CCDC146: variants seen among roughly 807,000 people sequenced by gnomAD.
The protein encoded by CCDC146 is coiled-coil domain-containing protein 146.
CCDC146 carries 92 observed loss-of-function variants against 119.3 expected under a neutral mutation model. That is an observed-to-expected ratio of 0.77 (90% confidence interval 0.65 to 0.92). The LOEUF (loss-of-function observed/expected upper bound fraction) is 0.92. CCDC146 is among the 40% of genes least tolerant of loss of function. The probability of loss-of-function intolerance (pLI) is 0.00; values close to 1 mark genes in which losing one functional copy is unlikely to be tolerated. For missense variants in CCDC146, 1,000 were observed against 1,103.0 expected (o/e 0.91, Z 1.32); for synonymous variants, 372 against 371.8 (o/e 1.00, Z -0.01).
intron 2 of CCDC146, among the ~76,000 whole-genome samples, chr7:77,221,347 G>T (rs774978156): frequency 1.5e-4 from 23 of 152,230 alleles, no homozygotes; most frequent in Non-Finnish European, 2.6e-4. Context: ...ATTCCAAACT[G>T]TATAGCAAGT....
intron 4 of CCDC146, among the ~76,000 whole-genome samples, chr7:77,248,406 GTATCCCT>G (rs1236123588): frequency 2.0e-5 from 3 of 152,150 alleles, no homozygotes; most frequent in Non-Finnish European, 1.5e-5. Flanking sequence ...AACTGCACTT[GTATCCCT>G]TAAATGTATA....
At chr7:77,215,024 T>G (rs180790289) in intron 2 of CCDC146, among the ~76,000 whole-genome samples, 2 of 152,262 alleles carry the variant, frequency 1.3e-5, no homozygotes, top group Non-Finnish European at 2.9e-5. Flanking sequence ...TCTCTTCACT[T>G]ATTTATTAGA....
intron 18 of CCDC146, among the ~76,000 whole-genome samples, chr7:77,294,300 C>A (rs984373596): frequency 5.3e-5 from 8 of 152,202 alleles, no homozygotes; most frequent in African/African-American, 1.9e-4. Context: ...ACAAAGCAGT[C>A]TTTGAAAAAC....
chr7:77,130,629 C>G (rs1378119065), intron 1 of CCDC146, among the ~76,000 whole-genome samples: 39 of 133,608 alleles, frequency 2.9e-4, no homozygotes, highest in Non-Finnish European at 1.4e-4. Context: ...GACGGAGTTT[C>G]GCTCTGTCGC....
At chr7:77,261,756 C>T (rs950363237) in intron 8 of CCDC146, among the ~76,000 whole-genome samples, 3 of 152,300 alleles carry the variant, frequency 2.0e-5, no homozygotes, top group Middle Eastern at 3.4e-3. Context: ...GGATTACAGG[C>T]GTGAGCCACC....
chr7:77,294,370 G>C (rs1486145520), intron 18 of CCDC146, among the ~76,000 whole-genome samples: 1 of 152,164 alleles, frequency 6.6e-6, no homozygotes, highest in Admixed American at 6.5e-5. Context: ...TGAGGTGTGG[G>C]GGTGTGTGTG....
rs112067101 is a variant in CCDC146 at position 77,294,830 on chromosome 7, C to T, written c.2832C>T (p.His944=). ...GTGAACCTGGAGCCAATATGAGGCACATAAGGAAACCTGTTATAAAGCCAG... is the reference window on the plus strand; with the variant it reads ...GTGAACCTGGAGCCAATATGAGGCATATAAGGAAACCTGTTATAAAGCCAG... ...KPSEPGANMR[H]IRKPVIKPVE... Residue 944 remains histidine (H), a synonymous_variant, in exon 19 of 19, where the codon CAC becomes CAT. Coordinates refer to ENST00000285871, the MANE Select transcript of CCDC146 (RefSeq NM_020879.3). The T allele has an allele frequency of 5.3e-4, 854 of 1,614,054 alleles. 6 individuals are homozygous for T. In the African/African-American group the frequency reaches 9.6e-3, roughly 18 times the overall value.
At chr7:77,280,332 G>T (rs1584143142) in intron 13 of CCDC146, 97 bp from the exon 14 acceptor site, 1 of 888,508 alleles carries the variant, frequency 1.1e-6, no homozygotes, top group Non-Finnish European at 1.7e-6. Flanking sequence ...CTAAAGCAAG[G>T]TCTGCTTTGA....
At chr7:77,282,151 C>T (rs1175990400) in intron 14 of CCDC146, 1 of 175,384 alleles carries the variant, frequency 5.7e-6, no homozygotes, top group Non-Finnish European at 1.2e-5. Context: ...CACACCAGAA[C>T]TACATTCCCT....
intron 2 of CCDC146, among the ~76,000 whole-genome samples, chr7:77,207,265 T>G (rs1177820227): frequency 1.3e-5 from 2 of 152,194 alleles, no homozygotes; most frequent in Non-Finnish European, 2.9e-5. Context: ...TACTTCTAGT[T>G]TGATATTTTG....
intron 9 of CCDC146, among the ~76,000 whole-genome samples, chr7:77,262,616 G>C (rs1444176606): frequency 2.0e-5 from 3 of 152,214 alleles, no homozygotes; most frequent in African/African-American, 7.2e-5. Context: ...ATGGGGCCAA[G>C]TGGATCATTA....
intron 4 of CCDC146, among the ~76,000 whole-genome samples, chr7:77,245,603 A>C (rs1237052402): frequency 6.6e-6 from 1 of 152,104 alleles, no homozygotes; most frequent in African/African-American, 2.4e-5. Flanking sequence ...CGTGACCCTG[A>C]CCTTGGTGAC....
intron 2 of CCDC146, among the ~76,000 whole-genome samples, chr7:77,233,327 G>A (rs967116413): frequency 6.6e-6 from 1 of 151,924 alleles, no homozygotes; most frequent in Non-Finnish European, 1.5e-5. Flanking sequence ...CCCGACCTCA[G>A]GTGATCTGCC....
chr7:77,262,184 T>G lies in CCDC146; in HGVS notation c.1050T>G (p.Leu350=). 6.2e-7 allele frequency: 1 copy of G among 1,613,860 alleles called. No homozygotes were observed. Among genetic ancestry groups the G allele is most frequent in the African/African-American group, 1.3e-5 (1 of 75,030 alleles). The part of the protein sequence containing the change: ...LIDKQNYHDE[L]SRKQREKERD... The stretch of plus-strand genomic sequence containing the variant: ...ACAAGCAGAACTACCATGATGAACT[T>G]TCTCGTAAGCAAAGAGAGAAAGAAC... Residue 350 remains leucine, a synonymous_variant, in exon 9 of 19, where the codon CTT becomes CTG. Transcript: ENST00000285871.
intron 1 of CCDC146, among the ~76,000 whole-genome samples, chr7:77,159,272 G>A (rs1791222984): frequency 6.6e-6 from 1 of 151,932 alleles, no homozygotes; most frequent in Non-Finnish European, 1.5e-5. Flanking sequence ...ATCTTGCATA[G>A]CTGAAATTTT....
chr7:77,188,327 C>A (rs1791704521), intron 2 of CCDC146, among the ~76,000 whole-genome samples: 1 of 152,000 alleles, frequency 6.6e-6, no homozygotes, highest in African/African-American at 2.4e-5. Context: ...ACTATGTACC[C>A]ACAATTTTTT....
intron 2 of CCDC146, among the ~76,000 whole-genome samples, chr7:77,188,265 G>T (rs1281367858): frequency 1.3e-5 from 2 of 151,956 alleles, no homozygotes; most frequent in African/African-American, 4.8e-5. Context: ...TGATTATTAT[G>T]CATTGTATCC....
rs1793102548 is a variant in CCDC146 at position 77,252,871 on chromosome 7, A to G, written c.450-1635A>G. On this transcript the variant is annotated intron_variant, in intron 4 of 18. Transcript: ENST00000285871. The stretch of plus-strand genomic sequence containing the variant: ...GCGGGAGCACGTGCCTTCCAAGTTC[A>G]ACATGGCTGGGGAAGACATTTGTTA... Among the ~76,000 whole-genome samples, 6 of 152,250 alleles carry G rather than the reference A, an allele frequency of 3.9e-5. No homozygotes were observed. The South Asian group carries it at 1.2e-3, about 31-fold the overall frequency.
chr7:77,278,710 T>C (rs566666688), intron 11 of CCDC146, 42 bp from the exon 12 acceptor site: 5 of 1,345,692 alleles, frequency 3.7e-6, no homozygotes, highest in Non-Finnish European at 5.3e-6. Context: ...CTGGGAGTGT[T>C]CATATGTTGT....
Sources: gnomAD v4.1 joint callset for allele counts (sites outside exome capture counted in the v4.1 genomes callset) on GRCh38, gnomAD v4.1.1 for gene constraint, MANE v1.5 for transcripts, NCBI Gene and HGNC (gene_info 2026-07-23, HGNC 2026-07-21) for gene names.